GOSR1: variants seen among roughly 807,000 people sequenced by gnomAD.
GOSR1 encodes the protein golgi SNAP receptor complex member 1.
A neutral mutation model predicts 35.5 loss-of-function variants in GOSR1; 21 were observed. That is an observed-to-expected ratio of 0.59 (90% CI 0.42 to 0.85). The LOEUF (loss-of-function observed/expected upper bound fraction) is 0.85, where lower values mean the gene tolerates loss of function less well. Ranked by LOEUF, GOSR1 falls within the 40% of genes least tolerant of loss-of-function variation. The probability of loss-of-function intolerance (pLI) is 0.00; values close to 1 mark genes in which losing one functional copy is unlikely to be tolerated. For synonymous variants in GOSR1, 94 were observed against 106.6 expected, an observed-to-expected ratio of 0.88 and a Z score of 0.73; for missense variants, 285 against 309.6, an observed-to-expected ratio of 0.92 and a Z score of 0.60.
chr17:30,495,187 CAA>C (rs11369569), intron 6 of GOSR1, among the ~76,000 whole-genome samples: 7 of 81,310 alleles, frequency 8.6e-5, no homozygotes, highest in African/African-American at 4.8e-5. Flanking sequence ...GACTCCGGCT[CAA>C]AAAAAAAAAA....
chr17:30,495,531 G>A, intron 6 of GOSR1: 1 of 429,254 alleles, frequency 2.3e-6, no homozygotes, highest in Non-Finnish European at 4.6e-6. Flanking sequence ...ATCACCAGGT[G>A]TAGATCAGTC....
chr17:30,511,395 A>G (rs1967608036), intron 7 of GOSR1, among the ~76,000 whole-genome samples: 1 of 152,206 alleles, frequency 6.6e-6, no homozygotes, highest in Non-Finnish European at 1.5e-5. Context: ...TCTAGGTTTG[A>G]TGAATTTTAA....
chr17:30,490,282 G>T, intron 5 of GOSR1, 65 bp downstream of exon 5: 2 of 768,228 alleles, frequency 2.6e-6, no homozygotes, highest in Admixed American at 4.1e-5. Context: ...ATATGTTCAC[G>T]GTTAATTGCA....
chr17:30,484,001 G>T lies in GOSR1; in HGVS notation c.147-213G>T, dbSNP rs182155868. ...TAAACCTCAATCTTATTTCCTCTTG[G>T]TAAGAGTCAAGGAAAGAAGAGAGAA... On this transcript the variant is annotated intron_variant, in intron 2 of 8. Coordinates refer to ENST00000451249, the MANE Select transcript of GOSR1 (RefSeq NM_001007025.2). Among the ~76,000 whole-genome samples the T allele has an allele frequency of 3.5e-4, 53 of 152,260 alleles. No homozygotes were observed. The highest frequency in any genetic ancestry group is 1.0e-3 in the South Asian group (5 of 4,820).
intron 4 of GOSR1, among the ~76,000 whole-genome samples, chr17:30,488,628 A>G (rs1030023201): frequency 3.3e-5 from 5 of 151,076 alleles, no homozygotes; most frequent in African/African-American, 1.2e-4. Context: ...CTGCCTCCCA[A>G]GTTCAAGTGA....
At chr17:30,492,861 C>G (rs919827840) in intron 6 of GOSR1, 108 bp downstream of exon 6, 6 of 678,464 alleles carry the variant, frequency 8.8e-6, no homozygotes, top group Admixed American at 2.4e-5. Context: ...CTTGTCCATG[C>G]TAATTCATTT....
intron 2 of GOSR1, among the ~76,000 whole-genome samples, chr17:30,482,633 A>G (rs532340589): frequency 4.6e-5 from 7 of 152,292 alleles, no homozygotes; most frequent in Non-Finnish European, 1.0e-4. Flanking sequence ...TCTAAACCCT[A>G]CTATAGTGTA....
chr17:30,484,353 C>T (rs1597757633), intron 3 of GOSR1, 52 bp downstream of exon 3: 15 of 957,866 alleles, frequency 1.6e-5, no homozygotes, highest in Middle Eastern at 2.1e-4. Flanking sequence ...ATACTTGTTA[C>T]GTAGGATCCT....
intron 7 of GOSR1, chr17:30,519,727 C>T: frequency 2.3e-6 from 1 of 442,780 alleles, no homozygotes; most frequent in South Asian, 4.4e-5. Flanking sequence ...GGCTTACTGC[C>T]TTGTATAAAA....
Position 30,490,173 on chromosome 17 carries a change from A to C in GOSR1, c.390A>C (p.Ile130=). 1 of 1,570,468 alleles carries C rather than the reference A, an allele frequency of 6.4e-7. No homozygotes were observed. The highest frequency in any genetic ancestry group is 8.8e-7 in the Non-Finnish European group (1 of 1,140,602). ...AAACCAAAGCAAACTTTATGGCAAT[A>C]CGGGAAAGGGAGAATCTTATGGGAT... ...FHKTKANFMA[I]RERENLMGSV... Residue 130 remains isoleucine (I), a synonymous_variant, in exon 5 of 9, where the codon ATA becomes ATC. Coordinates refer to ENST00000451249, the MANE Select transcript of GOSR1 (RefSeq NM_001007025.2).
At chr17:30,486,544 A>G (rs550173148) in intron 4 of GOSR1, among the ~76,000 whole-genome samples, 3 of 152,080 alleles carry the variant, frequency 2.0e-5, no homozygotes, top group African/African-American at 7.2e-5. Context: ...AGATGTAAAT[A>G]TTGGAAAGGA....
At chr17:30,485,083 A>C (rs1350424781) in intron 4 of GOSR1, 10 of 391,782 alleles carry the variant, frequency 2.6e-5, no homozygotes, top group Non-Finnish European at 4.4e-5. Flanking sequence ...ATGTATAGAC[A>C]ATAACGTGGT....
At chr17:30,517,624 T>TC (rs1178272572) in intron 7 of GOSR1, among the ~76,000 whole-genome samples, 112 of 152,228 alleles carry the variant, frequency 7.4e-4, no homozygotes, top group African/African-American at 2.6e-3. Context: ...CTGTTGTTGT[T>TC]CATTTTTTAC....
chr17:30,486,707 G>C (rs1305379254), intron 4 of GOSR1, among the ~76,000 whole-genome samples: 1 of 151,940 alleles, frequency 6.6e-6, no homozygotes, highest in Non-Finnish European at 1.5e-5. Context: ...TATTATGATA[G>C]GAAATAAATG....
intron 7 of GOSR1, among the ~76,000 whole-genome samples, chr17:30,513,846 G>A (rs1297551464): frequency 6.6e-6 from 1 of 152,206 alleles, no homozygotes; most frequent in Non-Finnish European, 1.5e-5. Flanking sequence ...CCACTTGGAA[G>A]GCTGAGGCAG....
In GOSR1 at chr17:30,524,654, C is replaced by T. The variant is rs1455104767; in HGVS notation, c.*2276C>T. The T allele has an allele frequency of 6.6e-6, 1 of 152,168 alleles. No homozygotes were observed. Among genetic ancestry groups the T allele is most frequent in the African/African-American group, 2.4e-5 (1 of 41,416 alleles). 9.4% of individuals were successfully genotyped at this position (152,168 alleles called of 1,614,324 possible). A position where few individuals can be genotyped will look rare whatever the true frequency, so the allele number is the denominator to read the frequency against. On this transcript the variant is annotated 3_prime_UTR_variant, in exon 9 of 9. Coordinates refer to ENST00000451249, the MANE Select transcript of GOSR1 (RefSeq NM_001007025.2). ...GTCTGTCAGTGCCCCCACTGCTCCT[C>T]CTCATACCAGCATTGACACTGGTAG...
intron 2 of GOSR1, 72 bp from the exon 3 acceptor site, chr17:30,484,142 C>T: frequency 1.2e-6 from 1 of 801,044 alleles, no homozygotes; most frequent in Non-Finnish European, 2.2e-6. Flanking sequence ...CTATTAATCA[C>T]CTTATTATTT....
chr17:30,518,424 C>G (rs1195682999), intron 7 of GOSR1, among the ~76,000 whole-genome samples: 1 of 133,266 alleles, frequency 7.5e-6, no homozygotes, highest in Non-Finnish European at 1.6e-5. Flanking sequence ...CCCCAAATCT[C>G]AATCTCTTGA....
chr17:30,515,854 A>G (rs182577652), intron 7 of GOSR1, among the ~76,000 whole-genome samples: 2 of 152,340 alleles, frequency 1.3e-5, no homozygotes, highest in Non-Finnish European at 2.9e-5. Context: ...ATATTTTTCT[A>G]GAATAGGCCT....
Sources: allele counts gnomAD v4.1 joint callset (sites outside exome capture counted in the v4.1 genomes callset), GRCh38; gene constraint gnomAD v4.1.1; transcripts MANE v1.5; gene names NCBI Gene and HGNC (gene_info 2026-07-23, HGNC 2026-07-21).